BNC2: variants seen among roughly 807,000 people sequenced by gnomAD.
The protein encoded by BNC2 is basonuclin zinc finger protein 2.
In BNC2, 20 loss-of-function variants were observed where a neutral mutation model predicts 76.3. That is an observed-to-expected ratio of 0.26 (90% CI 0.18 to 0.38). BNC2 has a LOEUF of 0.38. Ranked by LOEUF, BNC2 falls within the 10% of genes least tolerant of loss-of-function variation. The pLI, the probability that BNC2 is intolerant of heterozygous loss-of-function variation, is 1.00. For missense variants in BNC2, 1,382 were observed against 1,399.8 expected (o/e 0.99, Z 0.20); for synonymous variants, 582 against 514.8 (o/e 1.13, Z -1.77).
intron 1 of BNC2, among the ~76,000 whole-genome samples, chr9:16,762,953 G>C (rs1825591971): frequency 6.6e-6 from 1 of 152,108 alleles, no homozygotes; most frequent in African/African-American, 2.4e-5. Flanking sequence ...ATCATTTCCA[G>C]TGTACATAAT....
intron 3 of BNC2, among the ~76,000 whole-genome samples, chr9:16,614,880 C>G (rs12344534): frequency 6.7e-6 from 1 of 149,626 alleles, no homozygotes; most frequent in African/African-American, 2.5e-5. Flanking sequence ...TACTTGATCT[C>G]TGGAGGTCAA....
Position 16,730,144 on chromosome 9 carries a change from G to A in BNC2, c.130-2147C>T, listed in dbSNP as rs189503112. On this transcript the variant is annotated intron_variant, in intron 2 of 6. Transcript: ENST00000380672. ...CAACACAAAAATCAACTGGCATGCAGCAGCAAGCACCTGCAGTAATAGACT... is the reference window on the plus strand; with the variant it reads ...CAACACAAAAATCAACTGGCATGCAACAGCAAGCACCTGCAGTAATAGACT... 4.7e-3 allele frequency among the ~76,000 whole-genome samples: 713 copies of A among 152,022 alleles called. 2 individuals carry two copies. The highest frequency in any genetic ancestry group is 0.016 in the African/African-American group (675 of 41,434).
intron 3 of BNC2, among the ~76,000 whole-genome samples, chr9:16,611,689 A>C (rs141207795): frequency 1.8e-4 from 27 of 152,300 alleles, no homozygotes; most frequent in Non-Finnish European, 3.4e-4. Flanking sequence ...TCAGCCATGA[A>C]AATAATAACT....
At chr9:16,433,492 G>A (rs997254200) in intron 6 of BNC2, among the ~76,000 whole-genome samples, 7 of 151,884 alleles carry the variant, frequency 4.6e-5, no homozygotes, top group Non-Finnish European at 7.4e-5. Flanking sequence ...TCCTAGACGC[G>A]GGTCTAAACG....
chr9:16,439,290 C>T (rs1821080320), intron 5 of BNC2, among the ~76,000 whole-genome samples: 1 of 152,134 alleles, frequency 6.6e-6, no homozygotes, highest in Admixed American at 6.5e-5. Flanking sequence ...CATCAGAAAT[C>T]ATCAGGCAAA....
At chr9:16,451,213 G>C (rs1202106106) in intron 5 of BNC2, among the ~76,000 whole-genome samples, 3 of 152,102 alleles carry the variant, frequency 2.0e-5, no homozygotes, top group Admixed American at 1.3e-4. Flanking sequence ...AGCACCAACA[G>C]GATTTTACTG....
At chr9:16,710,169 C>T (rs932792699) in intron 3 of BNC2, among the ~76,000 whole-genome samples, 1 of 152,028 alleles carries the variant, frequency 6.6e-6, no homozygotes. Flanking sequence ...GAATCTCTTC[C>T]CCTCCTACAC....
chr9:16,518,821 G>A (rs1043002472), intron 5 of BNC2, among the ~76,000 whole-genome samples: 1 of 152,072 alleles, frequency 6.6e-6, no homozygotes, highest in East Asian at 1.9e-4. Flanking sequence ...GGCTGGTCCC[G>A]ATCTCCTGAC....
chr9:16,655,445 C>G (rs1253824130), intron 3 of BNC2, among the ~76,000 whole-genome samples: 1 of 152,124 alleles, frequency 6.6e-6, no homozygotes, highest in Non-Finnish European at 1.5e-5. Flanking sequence ...GAAATCTCCC[C>G]TGCAGTGACT....
chr9:16,791,247 G>A (rs1050117613), intron 1 of BNC2, among the ~76,000 whole-genome samples: 5 of 152,018 alleles, frequency 3.3e-5, no homozygotes, highest in Non-Finnish European at 7.4e-5. Flanking sequence ...ATTTTTAGTA[G>A]AGACGGGGTT....
chr9:16,834,514 T>C (rs942524465), intron 1 of BNC2, among the ~76,000 whole-genome samples: 2 of 152,218 alleles, frequency 1.3e-5, no homozygotes, highest in Non-Finnish European at 2.9e-5. Context: ...CATAGCTAAA[T>C]CCACTACCTT....
At chr9:16,676,149 C>T (rs954971055) in intron 3 of BNC2, among the ~76,000 whole-genome samples, 4 of 152,118 alleles carry the variant, frequency 2.6e-5, no homozygotes, top group Non-Finnish European at 5.9e-5. Flanking sequence ...ATTGAGATTC[C>T]ATTATCTACT....
rs1821443982 is a variant in BNC2, at chr9:16,639,967, T to C, written c.331-56882A>G. On this transcript the variant is annotated intron_variant, in intron 3 of 6. Coordinates refer to ENST00000380672, the MANE Select transcript of BNC2 (RefSeq NM_017637.6). The stretch of plus-strand genomic sequence containing the variant: ...AAGTGGATTACATTTTTTCCCCCAT[T>C]AGTGACAGACAGCTTGAGGGATTTT... Among the ~76,000 whole-genome samples, 3 of 152,064 alleles carry C rather than the reference T, an allele frequency of 2.0e-5. No homozygotes were observed. The South Asian group carries it at 6.2e-4, about 31-fold the overall frequency.
intron 3 of BNC2, among the ~76,000 whole-genome samples, chr9:16,584,081 G>T (rs1421367362): frequency 6.6e-6 from 1 of 152,174 alleles, no homozygotes; most frequent in Non-Finnish European, 1.5e-5. Flanking sequence ...TCTGAAGACA[G>T]AAGGGATTTA....
At chr9:16,786,552 A>T (rs1220663346) in intron 1 of BNC2, among the ~76,000 whole-genome samples, 3 of 152,208 alleles carry the variant, frequency 2.0e-5, no homozygotes, top group East Asian at 3.9e-4. Context: ...TTCAAAATAA[A>T]GTTACAACAG....
intron 3 of BNC2, among the ~76,000 whole-genome samples, chr9:16,641,975 G>A (rs988201235): frequency 1.6e-4 from 24 of 152,096 alleles, no homozygotes; most frequent in African/African-American, 4.8e-4. Context: ...ATCTACTAAC[G>A]TACTGGTTAA....
chr9:16,419,574 C>T lies in BNC2; in HGVS notation c.2715G>A (p.Gln905=), dbSNP rs200639335. The stretch of plus-strand genomic sequence containing the variant: ...CGCGGAGGTCCTTGCTAAGGGAGGG[C>T]TGCGACGAGTCCAGGCCCATGTCAT... ...ELDDMGLDSS[Q]PSLSKDLRDE... Residue 905 remains glutamine, a synonymous_variant, in exon 7 of 7, where the codon CAG becomes CAA. Coordinates refer to ENST00000380672, the MANE Select transcript of BNC2 (RefSeq NM_017637.6). 22 of 1,612,596 alleles carry T rather than the reference C, an allele frequency of 1.4e-5. No homozygotes were observed. The highest frequency in any genetic ancestry group is 1.6e-5 in the Non-Finnish European group (19 of 1,179,888).
intron 3 of BNC2, among the ~76,000 whole-genome samples, chr9:16,682,048 T>A (rs972342691): frequency 6.6e-6 from 1 of 151,166 alleles, no homozygotes; most frequent in Admixed American, 6.6e-5. Context: ...AAAGAGAGAG[T>A]GAACTTTTAT....
At chr9:16,601,290 T>C (rs546483445) in intron 3 of BNC2, among the ~76,000 whole-genome samples, 30 of 152,230 alleles carry the variant, frequency 2.0e-4, no homozygotes, top group Non-Finnish European at 3.4e-4. Flanking sequence ...AAGAAGTGCC[T>C]CCTCAAATTT....
Sources: gnomAD v4.1 joint callset for allele counts (sites outside exome capture counted in the v4.1 genomes callset) on GRCh38, gnomAD v4.1.1 for gene constraint, MANE v1.5 for transcripts, NCBI Gene and HGNC (gene_info 2026-07-23, HGNC 2026-07-21) for gene names.